SLC25A21: variants seen among roughly 807,000 people sequenced by gnomAD.
SLC25A21 encodes solute carrier family 25 member 21.
A neutral mutation model predicts 43.8 loss-of-function variants in SLC25A21; 47 were observed. That is an observed-to-expected ratio of 1.07 (90% CI 0.85 to 1.37). The LOEUF (loss-of-function observed/expected upper bound fraction) is 1.37, where lower values mean the gene tolerates loss of function less well. SLC25A21 is among the 40% of genes most tolerant of loss of function. SLC25A21 has a pLI of 0.00. For missense variants in SLC25A21, 352 were observed against 350.2 expected, an observed-to-expected ratio of 1.00 and a Z score of -0.04; for synonymous variants, 131 against 121.3, an observed-to-expected ratio of 1.08 and a Z score of -0.52.
chr14:36,906,417 A>C (rs2138605387), intron 1 of SLC25A21, among the ~76,000 whole-genome samples: 1 of 152,310 alleles, frequency 6.6e-6, no homozygotes, highest in African/African-American at 2.4e-5. Context: ...AAAGTAGCAC[A>C]GTGCCTATGG....
Position 36,683,900 on chromosome 14 carries a change from A to G in SLC25A21, c.786-20T>C, listed in dbSNP as rs781420374. The G allele has an allele frequency of 8.8e-6, 14 of 1,588,304 alleles. No individual in the cohort carries two copies. The South Asian group carries it at 1.5e-4, about 17-fold the overall frequency. ...AAAATCCTGTAATGGGAAGGGAAAG[A>G]GAAACGTTCTTATTCTGAAAATAAA... is the stretch of plus-strand genomic sequence containing the variant. On this transcript the variant is annotated intron_variant, in intron 8 of 9. Transcript: ENST00000331299.
chr14:36,816,954 G>C (rs1373756565), intron 2 of SLC25A21, among the ~76,000 whole-genome samples: 1 of 73,864 alleles, frequency 1.4e-5, no homozygotes, highest in African/African-American at 3.2e-5. Context: ...GAAAAACCAA[G>C]ACTCTTCTCT....
chr14:36,974,757 G>T (rs757762978), intron 1 of SLC25A21, among the ~76,000 whole-genome samples: 2 of 152,044 alleles, frequency 1.3e-5, no homozygotes, highest in Non-Finnish European at 2.9e-5. Flanking sequence ...AAAACAAAAA[G>T]TTCAAGAACA....
chr14:36,725,798 G>C (rs549665858), intron 5 of SLC25A21, 121 bp from the exon 6 acceptor site: 1 of 451,142 alleles, frequency 2.2e-6, no homozygotes, highest in Non-Finnish European at 3.7e-6. Context: ...CTACATAAAC[G>C]CACCATATTC....
At chr14:37,086,666 A>T (rs941262670) in intron 1 of SLC25A21, among the ~76,000 whole-genome samples, 2 of 152,156 alleles carry the variant, frequency 1.3e-5, no homozygotes, top group South Asian at 2.1e-4. Flanking sequence ...CGATACCTCC[A>T]TTTTATTGCC....
chr14:36,706,477 C>G (rs932007229), intron 7 of SLC25A21, among the ~76,000 whole-genome samples: 2 of 152,136 alleles, frequency 1.3e-5, no homozygotes, highest in African/African-American at 4.8e-5. Flanking sequence ...TCCAGCTCAG[C>G]TTTTTCCTCA....
At chr14:36,689,050 A>G (rs1048247695) in intron 7 of SLC25A21, among the ~76,000 whole-genome samples, 1 of 152,198 alleles carries the variant, frequency 6.6e-6, no homozygotes, top group African/African-American at 2.4e-5. Context: ...TGATAAAGAC[A>G]TACCTGAGAT....
chr14:37,041,367 C>T (rs1961467803), intron 1 of SLC25A21, among the ~76,000 whole-genome samples: 1 of 152,060 alleles, frequency 6.6e-6, no homozygotes, highest in South Asian at 2.1e-4. Context: ...TATCAAAATG[C>T]TACAAAGCTG....
intron 1 of SLC25A21, among the ~76,000 whole-genome samples, chr14:37,044,539 A>G (rs1382682224): frequency 6.6e-6 from 1 of 152,196 alleles, no homozygotes; most frequent in Non-Finnish European, 1.5e-5. Context: ...TTTAGGAATA[A>G]TATCAATATT....
chr14:36,753,431 A>G (rs1263958866), intron 3 of SLC25A21, among the ~76,000 whole-genome samples: 1 of 152,176 alleles, frequency 6.6e-6, no homozygotes, highest in African/African-American at 2.4e-5. Flanking sequence ...AGGAGAGAGA[A>G]AATTTAAAAA....
At chr14:37,040,113 T>A (rs1020641599) in intron 1 of SLC25A21, among the ~76,000 whole-genome samples, 1 of 150,396 alleles carries the variant, frequency 6.6e-6, no homozygotes, top group Non-Finnish European at 1.5e-5. Flanking sequence ...AGCAGGAGAA[T>A]TGCTGGACCC....
intron 2 of SLC25A21, among the ~76,000 whole-genome samples, chr14:36,824,261 G>T (rs1594619733): frequency 6.6e-6 from 1 of 152,200 alleles, no homozygotes; most frequent in East Asian, 1.9e-4. Context: ...AAAAAATTGG[G>T]GGAATGGAGA....
chr14:36,765,370 C>A (rs1374636535), intron 3 of SLC25A21, among the ~76,000 whole-genome samples: 2 of 152,210 alleles, frequency 1.3e-5, no homozygotes, highest in African/African-American at 4.8e-5. Context: ...GGGAAGCACC[C>A]AGCCAAGCCC....
intron 3 of SLC25A21, chr14:36,788,807 T>C (rs888543620): frequency 3.9e-5 from 6 of 152,014 alleles, no homozygotes; most frequent in African/African-American, 1.5e-4. Flanking sequence ...AAACTTGTCT[T>C]ACTGGTTTGG....
intron 3 of SLC25A21, among the ~76,000 whole-genome samples, chr14:36,783,347 C>T (rs1887139997): frequency 6.6e-6 from 1 of 152,090 alleles, no homozygotes; most frequent in African/African-American, 2.4e-5. Flanking sequence ...AGTGACTCAT[C>T]AGCAAGCCCC....
chr14:36,763,920 T>C (rs1214309023), intron 3 of SLC25A21, among the ~76,000 whole-genome samples: 1 of 150,346 alleles, frequency 6.7e-6, no homozygotes, highest in Non-Finnish European at 1.5e-5. Flanking sequence ...TCTCAGTTAC[T>C]TGGGAGGGTG....
chr14:36,692,790 T>C (rs1419678299), intron 7 of SLC25A21, among the ~76,000 whole-genome samples: 1 of 152,198 alleles, frequency 6.6e-6, no homozygotes, highest in Non-Finnish European at 1.5e-5. Context: ...GGGCTTTTCA[T>C]TTAAGGGAAC....
At chr14:36,981,222 G>A (rs997885599) in intron 1 of SLC25A21, among the ~76,000 whole-genome samples, 2 of 152,122 alleles carry the variant, frequency 1.3e-5, no homozygotes, top group Non-Finnish European at 2.9e-5. Flanking sequence ...AAATAGGAAC[G>A]CTTTTACACT....
Position 36,987,063 on chromosome 14 carries a change from G to C in SLC25A21, c.71-112059C>G, listed in dbSNP as rs542268381. On this transcript the variant is annotated intron_variant, in intron 1 of 9. Transcript: ENST00000331299. Reference sequence around the variant, plus strand: ...ACAAGTGAGACTAGAGAAATTATTGGCCAGCACTCTGACTTTGTTCCTATC... The same window carrying C: ...ACAAGTGAGACTAGAGAAATTATTGCCCAGCACTCTGACTTTGTTCCTATC... Among the ~76,000 whole-genome samples the C allele has an allele frequency of 1.8e-4, 28 of 152,234 alleles. 2 individuals are homozygous for C. In the South Asian group the frequency reaches 5.4e-3, roughly 29 times the overall value.
Sources: allele counts gnomAD v4.1 joint callset (sites outside exome capture counted in the v4.1 genomes callset), GRCh38; gene constraint gnomAD v4.1.1; transcripts MANE v1.5; gene names NCBI Gene and HGNC (gene_info 2026-07-23, HGNC 2026-07-21).